Variants in RSRC1 observed in about 807,000 individuals in gnomAD.
The protein encoded by RSRC1 is serine/Arginine-related protein 53.
Under a neutral mutation model 49.1 loss-of-function variants are expected in RSRC1, and 39 were observed. The ratio of observed to expected loss-of-function variants is 0.79; its 90% confidence interval spans 0.61 to 1.04. The LOEUF (loss-of-function observed/expected upper bound fraction) is 1.04. Ranked by LOEUF, RSRC1 falls within the 50% of genes least tolerant of loss-of-function variation. The pLI is 0.00. For missense variants in RSRC1, 388 were observed against 402.4 expected, an observed-to-expected ratio of 0.96 and a Z score of 0.31; for synonymous variants, 143 against 130.8, an observed-to-expected ratio of 1.09 and a Z score of -0.63.
At chr3:158,135,022 A>C (rs577598443) in intron 3 of RSRC1, among the ~76,000 whole-genome samples, 1 of 152,170 alleles carries the variant, frequency 6.6e-6, no homozygotes, top group Non-Finnish European at 1.5e-5. Context: ...AGCTTTTTAT[A>C]AAGATTCTGG....
intron 3 of RSRC1, among the ~76,000 whole-genome samples, chr3:158,147,490 A>G (rs897168593): frequency 4.7e-5 from 7 of 149,674 alleles, no homozygotes; most frequent in Non-Finnish European, 1.0e-4. Context: ...CAGGAAATCT[A>G]TGTTCCATAT....
chr3:158,142,370 G>A (rs1716801325), intron 3 of RSRC1, among the ~76,000 whole-genome samples: 1 of 152,158 alleles, frequency 6.6e-6, no homozygotes, highest in Non-Finnish European at 1.5e-5. Context: ...GGTTGATCCT[G>A]TAGCCATCTT....
intron 4 of RSRC1, among the ~76,000 whole-genome samples, chr3:158,264,450 T>A (rs981244687): frequency 1.3e-5 from 2 of 152,246 alleles, no homozygotes; most frequent in African/African-American, 2.4e-5. Flanking sequence ...AGCTCTATTT[T>A]GATGAATGGT....
Position 158,499,904 on chromosome 3 carries a change from G to A in RSRC1, c.653-37188G>A, listed in dbSNP as rs192275160. 3.3e-4 allele frequency among the ~76,000 whole-genome samples: 51 copies of A among 152,240 alleles called. No homozygotes were observed. The East Asian group carries it at 8.9e-3, about 27-fold the overall frequency. On this transcript the variant is annotated intron_variant, in intron 7 of 9. Coordinates refer to ENST00000611884, the MANE Select transcript of RSRC1 (RefSeq NM_001271838.2). ...TGGCTATGACTTCGAGTACTATGTT[G>A]AAGAGGAGTGGTGAGAGTGGGCATC...
intron 4 of RSRC1, among the ~76,000 whole-genome samples, chr3:158,289,565 C>A (rs924716238): frequency 6.6e-6 from 1 of 152,062 alleles, no homozygotes; most frequent in African/African-American, 2.4e-5. Context: ...TCAGTCAGAT[C>A]AAAACTACTT....
intron 6 of RSRC1, among the ~76,000 whole-genome samples, chr3:158,445,320 A>G (rs1736640670): frequency 6.6e-6 from 1 of 152,192 alleles, no homozygotes; most frequent in Non-Finnish European, 1.5e-5. Flanking sequence ...AATACTATGC[A>G]GCCATAAAAA....
intron 3 of RSRC1, among the ~76,000 whole-genome samples, chr3:158,200,041 A>G (rs181443804): frequency 4.0e-5 from 6 of 151,574 alleles, no homozygotes; most frequent in African/African-American, 1.2e-4. Flanking sequence ...ATTTTTATCC[A>G]TTTACTTTTT....
intron 7 of RSRC1, among the ~76,000 whole-genome samples, chr3:158,482,924 C>G (rs985081032): frequency 1.3e-5 from 2 of 151,746 alleles, no homozygotes; most frequent in Non-Finnish European, 2.9e-5. Flanking sequence ...ACCTCTAAGC[C>G]CACAATACCC....
chr3:158,244,509 T>A (rs1173942388), intron 4 of RSRC1, among the ~76,000 whole-genome samples: 1 of 152,212 alleles, frequency 6.6e-6, no homozygotes, highest in Non-Finnish European at 1.5e-5. Context: ...GATGTGCTGC[T>A]AGATTCAGTT....
intron 4 of RSRC1, among the ~76,000 whole-genome samples, chr3:158,208,649 G>C (rs1721486386): frequency 6.6e-6 from 1 of 152,190 alleles, no homozygotes; most frequent in Non-Finnish European, 1.5e-5. Context: ...AGGATTACAG[G>C]AGTGAGCCAC....
intron 3 of RSRC1, chr3:158,132,185 C>T (rs1329782854): frequency 2.3e-6 from 1 of 435,684 alleles, no homozygotes; most frequent in Admixed American, 2.4e-5. Flanking sequence ...GGGGTTTCAC[C>T]ATGTTGCCCA....
At chr3:158,540,110 C>T (rs1712952632) in intron 8 of RSRC1, among the ~76,000 whole-genome samples, 1 of 152,126 alleles carries the variant, frequency 6.6e-6, no homozygotes, top group Non-Finnish European at 1.5e-5. Context: ...CTTGGATTAG[C>T]GTATTTCCCA....
chr3:158,231,846 T>TCTA (rs1722981992), intron 4 of RSRC1, among the ~76,000 whole-genome samples: 1 of 152,118 alleles, frequency 6.6e-6, no homozygotes, highest in African/African-American at 2.4e-5. Flanking sequence ...CATTCAAGAG[T>TCTA]CTATTACTTT....
At chr3:158,336,785 A>G (rs1041948105) in intron 5 of RSRC1, 1 of 152,048 alleles carries the variant, frequency 6.6e-6, no homozygotes, top group Non-Finnish European at 1.5e-5. Context: ...TTCAGTAGTA[A>G]CAGTGGTACA....
intron 3 of RSRC1, among the ~76,000 whole-genome samples, chr3:158,157,260 T>A (rs1717932520): frequency 6.6e-6 from 1 of 152,232 alleles, no homozygotes; most frequent in South Asian, 2.1e-4. Context: ...CAGACATTAA[T>A]AGAGAATGTT....
intron 7 of RSRC1, among the ~76,000 whole-genome samples, chr3:158,504,167 C>G (rs887684606): frequency 1.3e-5 from 2 of 152,132 alleles, no homozygotes; most frequent in Non-Finnish European, 2.9e-5. Flanking sequence ...GGTGTGTGTT[C>G]GGGAGAGGAG....
intron 6 of RSRC1, among the ~76,000 whole-genome samples, chr3:158,383,650 G>T (rs1377104635): frequency 1.3e-5 from 2 of 152,124 alleles, no homozygotes; most frequent in East Asian, 3.8e-4. Context: ...ACTATGATGG[G>T]GAGGGGTGTA....
chr3:158,258,557 C>A (rs1559965315), intron 4 of RSRC1, among the ~76,000 whole-genome samples: 2 of 151,922 alleles, frequency 1.3e-5, no homozygotes, highest in South Asian at 2.1e-4. Context: ...TGTTCTATAA[C>A]CTTCTTGTTC....
chr3:158,480,248 A>T (rs1157536707), intron 7 of RSRC1, among the ~76,000 whole-genome samples: 6 of 152,056 alleles, frequency 3.9e-5, no homozygotes, highest in South Asian at 4.1e-4. Flanking sequence ...TTATGGAAGA[A>T]TAGTGATATA....
Sources: gnomAD v4.1 joint callset for allele counts (sites outside exome capture counted in the v4.1 genomes callset) on GRCh38, gnomAD v4.1.1 for gene constraint, MANE v1.5 for transcripts, NCBI Gene and HGNC (gene_info 2026-07-23, HGNC 2026-07-21) for gene names.